The following SHROOM2 variants were observed in gnomAD, a reference collection of about 807,000 sequenced individuals.
SHROOM2 encodes protein Shroom2.
In SHROOM2, 33 loss-of-function variants were observed where a neutral mutation model predicts 75.9. The ratio of observed to expected loss-of-function variants is 0.43; its 90% CI spans 0.33 to 0.58. SHROOM2 has a LOEUF of 0.58. Ranked by LOEUF, SHROOM2 falls within the 20% of genes least tolerant of loss-of-function variation. The pLI, the probability that SHROOM2 is intolerant of heterozygous loss-of-function variation, is 0.04. For synonymous variants in SHROOM2, 655 were observed against 663.6 expected (o/e 0.99, Z 0.20); for missense variants, 1,434 against 1,461.2 (o/e 0.98, Z 0.30).
chrX:9,892,801 A>T (rs917884763), intron 3 of SHROOM2, among the ~76,000 whole-genome samples: 2 of 112,033 alleles, frequency 1.8e-5, no homozygotes, highest in African/African-American at 6.5e-5. Flanking sequence ...CGGTTCTCTC[A>T]TCCTCACTCT....
At chrX:9,855,866 G>A (rs1045557370) in intron 1 of SHROOM2, among the ~76,000 whole-genome samples, 1 of 111,022 alleles carries the variant, frequency 9.0e-6, no homozygotes, top group East Asian at 2.8e-4. Context: ...AAGCAGAGGT[G>A]GGCAGATTCC....
intron 1 of SHROOM2, among the ~76,000 whole-genome samples, chrX:9,859,297 G>A (rs1200103424): frequency 2.9e-5 from 3 of 104,421 alleles, no homozygotes; most frequent in African/African-American, 6.9e-5. Context: ...TTTAGACAAC[G>A]TCGCTTATGT....
chrX:9,936,548 G>C (rs745633663), intron 6 of SHROOM2, among the ~76,000 whole-genome samples: 1 of 112,184 alleles, frequency 8.9e-6, no homozygotes, highest in Admixed American at 9.4e-5. Context: ...GCGGGCGGGG[G>C]GTACAAGGAC....
intron 1 of SHROOM2, among the ~76,000 whole-genome samples, chrX:9,849,202 G>A (rs2084024785): frequency 8.9e-6 from 1 of 111,883 alleles, no homozygotes; most frequent in Admixed American, 9.4e-5. Context: ...GAAGATGGGA[G>A]CGTGGATCTC....
At chrX:9,841,815 G>A (rs1257324782) in intron 1 of SHROOM2, among the ~76,000 whole-genome samples, 2 of 111,989 alleles carry the variant, frequency 1.8e-5, no homozygotes, top group African/African-American at 6.5e-5. Flanking sequence ...GCCGAGGTGG[G>A]AGGATTGCTT....
chrX:9,897,044 A>G (rs1205229812), intron 4 of SHROOM2, among the ~76,000 whole-genome samples: 2 of 112,539 alleles, frequency 1.8e-5, no homozygotes, highest in African/African-American at 6.5e-5. Flanking sequence ...CGCCTCTGAC[A>G]TGGAAATGTG....
At chrX:9,872,318 A>G (rs1419632287) in intron 1 of SHROOM2, among the ~76,000 whole-genome samples, 1 of 112,799 alleles carries the variant, frequency 8.9e-6, no homozygotes, top group Non-Finnish European at 1.9e-5. Context: ...TAATCCCAGC[A>G]CTCTGGGAGG....
intron 5 of SHROOM2, among the ~76,000 whole-genome samples, chrX:9,912,198 GAC>G (rs57939278): frequency 0.032 from 510 of 15,918 alleles, 21 homozygotes; most frequent in Non-Finnish European, 0.045. Context: ...TAAATTACAA[GAC>G]ACACACACAC....
rs1322805619 is a variant in SHROOM2 at position 9,893,963 on chromosome X, A to C, written c.450-395A>C. On this transcript the variant is annotated intron_variant, in intron 3 of 9. Transcript: ENST00000380913. ...AGTGAGACTGTCTCAAAAAAAAAAA[A>C]AAAACCAAAATCAACAACAACAACA... Among the ~76,000 whole-genome samples, 2 of 110,061 alleles carry C rather than the reference A, an allele frequency of 1.8e-5. 1 individual carries two copies.
In SHROOM2 at chrX:9,791,893, G is replaced by A. The variant is rs759044140; in HGVS notation, c.165+5183G>A. ...GCCTGTAATTCCAGCTACTCGGGAGGCTCCCGGGAGGCAGAGGTTGTGGTG... is the reference window on the plus strand; with the variant it reads ...GCCTGTAATTCCAGCTACTCGGGAGACTCCCGGGAGGCAGAGGTTGTGGTG... On this transcript the variant is annotated intron_variant, in intron 1 of 9. Coordinates refer to ENST00000380913, the MANE Select transcript of SHROOM2 (RefSeq NM_001649.4). Among the ~76,000 whole-genome samples the A allele has an allele frequency of 2.8e-5, 3 of 108,414 alleles. No individual in the cohort carries two copies. In the South Asian group the frequency reaches 1.2e-3, roughly 44 times the overall value. 94.1% of individuals were successfully genotyped at this position (108,414 alleles called of 115,157 possible).
chrX:9,932,206 CCAGGATCA>C lies in SHROOM2; in HGVS notation c.2927_2934del (p.Gly976AlafsTer16), dbSNP rs2084654536. 1 of 1,136,550 alleles carries C rather than the reference CCAGGATCA, an allele frequency of 8.8e-7. No individual in the cohort carries two copies. The highest frequency in any genetic ancestry group is 1.2e-6 in the Non-Finnish European group (1 of 859,872). The allele number at this position is 1,136,550 out of a possible 1,213,427, so 93.7% of individuals were successfully genotyped here. A position where few individuals can be genotyped will look rare whatever the true frequency, so the allele number is the denominator to read the frequency against. On this transcript the variant is annotated frameshift_variant, in exon 6 of 10. Coordinates refer to ENST00000380913, the MANE Select transcript of SHROOM2 (RefSeq NM_001649.4). LOFTEE classifies it high-confidence loss of function. The stretch of plus-strand genomic sequence containing the variant: ...AGATGCCCAGTGTCGGGAAGGCAGC[CCAGGATCA>C]CAGCAGCACCCACCGAGTCAGAAGG...
At chrX:9,788,746 T>C (rs1569131650) in intron 1 of SHROOM2, among the ~76,000 whole-genome samples, 1 of 110,637 alleles carries the variant, frequency 9.0e-6, no homozygotes, top group South Asian at 3.9e-4. Flanking sequence ...TTGCCAGCCT[T>C]GGCATTGGGG....
At chrX:9,882,220 A>T (rs2084235627) in intron 2 of SHROOM2, among the ~76,000 whole-genome samples, 1 of 70,297 alleles carries the variant, frequency 1.4e-5, no homozygotes. Context: ...CCATGTGTAT[A>T]CTGATATGTT....
intron 2 of SHROOM2, among the ~76,000 whole-genome samples, chrX:9,884,160 G>A (rs2147006647): frequency 9.0e-6 from 1 of 111,024 alleles, no homozygotes; most frequent in African/African-American, 3.3e-5. Context: ...GGGACCAGGT[G>A]GGCCTGTGTT....
intron 1 of SHROOM2, among the ~76,000 whole-genome samples, chrX:9,838,450 T>C (rs16985726): frequency 9.0e-6 from 1 of 111,085 alleles, no homozygotes; most frequent in African/African-American, 3.3e-5. Flanking sequence ...AAATGCCTGC[T>C]TGTGGGACTT....
chrX:9,835,395 G>A (rs942985111), intron 1 of SHROOM2, among the ~76,000 whole-genome samples: 11 of 112,582 alleles, frequency 9.8e-5, no homozygotes, highest in Admixed American at 3.8e-4. Context: ...AGCAAGAGCA[G>A]CAGCAGCGTC....
intron 2 of SHROOM2, among the ~76,000 whole-genome samples, chrX:9,877,361 C>A (rs1233431448): frequency 9.0e-6 from 1 of 111,187 alleles, no homozygotes; most frequent in Non-Finnish European, 1.9e-5. Context: ...ATCCACGGCC[C>A]GAGATGTCAG....
At chrX:9,888,925 C>T (rs1437146077) in intron 2 of SHROOM2, among the ~76,000 whole-genome samples, 1 of 112,140 alleles carries the variant, frequency 8.9e-6, no homozygotes, top group Non-Finnish European at 1.9e-5. Context: ...GAGTGTCAGA[C>T]GTTTTCTTTT....
Position 9,939,182 on chromosome X carries a change from C to T in SHROOM2, c.4140-13C>T, listed in dbSNP as rs1277101530. On this transcript the variant is annotated splice_polypyrimidine_tract_variant and intron_variant, in intron 7 of 9. Coordinates refer to ENST00000380913, the MANE Select transcript of SHROOM2 (RefSeq NM_001649.4). ...CAGTCCCAGCTCATTGAAGTTCCCACACCTTTACCCAGGAAAGAGGAGCCC... is the reference window on the plus strand; with the variant it reads ...CAGTCCCAGCTCATTGAAGTTCCCATACCTTTACCCAGGAAAGAGGAGCCC... The T allele has an allele frequency of 1.7e-6, 2 of 1,190,509 alleles. No homozygotes were observed. The highest frequency in any genetic ancestry group is 2.3e-6 in the Non-Finnish European group (2 of 884,620).
Sources: allele counts gnomAD v4.1 joint callset (sites outside exome capture counted in the v4.1 genomes callset), GRCh38; gene constraint gnomAD v4.1.1; transcripts MANE v1.5; gene names NCBI Gene and HGNC (gene_info 2026-07-23, HGNC 2026-07-21).